The following AKNAD1 variants were observed in gnomAD, a reference collection of about 807,000 sequenced individuals.
AKNAD1 encodes the protein AKNA domain containing 1.
In AKNAD1, 67 loss-of-function variants were observed where a neutral mutation model predicts 90.8. That is an observed-to-expected ratio of 0.74 (90% CI 0.61 to 0.90). AKNAD1 has a LOEUF of 0.90. Ranked by LOEUF, AKNAD1 falls within the 40% of genes least tolerant of loss-of-function variation. The pLI is 0.00. For synonymous variants in AKNAD1, 327 were observed against 341.4 expected (o/e 0.96, Z 0.46); for missense variants, 957 against 975.4 (o/e 0.98, Z 0.25).
In AKNAD1 at chr1:108,837,710, A is replaced by G. The variant is rs1570813993; in HGVS notation, c.1380-4T>C. 6.2e-7 allele frequency: 1 copy of G among 1,614,112 alleles called. No homozygotes were observed. Among genetic ancestry groups the G allele is most frequent in the African/African-American group, 1.3e-5 (1 of 75,068 alleles). On this transcript the variant is annotated splice_polypyrimidine_tract_variant and splice_region_variant and intron_variant, in intron 6 of 15. Coordinates refer to ENST00000370001, the MANE Select transcript of AKNAD1 (RefSeq NM_152763.5). ...GAAGATTTCACCTTCCACTTTTCTA[A>G]GTAAACATAAACACACAGGCATCTT...
At chr1:108,836,423 C>A (rs1419511819) in intron 7 of AKNAD1, among the ~76,000 whole-genome samples, 1 of 152,016 alleles carries the variant, frequency 6.6e-6, no homozygotes, top group East Asian at 1.9e-4. Context: ...ACAAACGAGA[C>A]CCAGTGCTGC....
intron 9 of AKNAD1, among the ~76,000 whole-genome samples, chr1:108,832,502 G>A (rs767723395): frequency 4.0e-5 from 6 of 151,572 alleles, no homozygotes; most frequent in Non-Finnish European, 7.4e-5. Context: ...TGGGATTACA[G>A]GCGCGAGCCA....
chr1:108,854,607 C>A (rs12405585), intron 1 of AKNAD1, among the ~76,000 whole-genome samples: 19,835 of 152,118 alleles, frequency 0.13, 1,366 homozygotes, highest in Middle Eastern at 0.15. Context: ...TTAGAGAACC[C>A]AAATTAAACA....
intron 10 of AKNAD1, among the ~76,000 whole-genome samples, chr1:108,828,976 C>T (rs1379597844): frequency 6.6e-6 from 1 of 151,754 alleles, no homozygotes; most frequent in Non-Finnish European, 1.5e-5. Flanking sequence ...AAGGGATAAG[C>T]ATATTTTACA....
In AKNAD1 at chr1:108,817,359, G is replaced by A. The variant is rs1227028077; in HGVS notation, c.2250-182C>T. 10 of 618,418 alleles carry A rather than the reference G, an allele frequency of 1.6e-5. 1 individual carries two copies. The highest frequency in any genetic ancestry group is 2.1e-5 in the Non-Finnish European group (8 of 385,362). 38.3% of individuals were successfully genotyped at this position (618,418 alleles called of 1,614,324 possible). Reference sequence around the variant, plus strand: ...TGACCGCAGCTGGGCTTCAGAAAATGGTTGTTGCCATGACCATGCGGGTGT... The same window carrying A: ...TGACCGCAGCTGGGCTTCAGAAAATAGTTGTTGCCATGACCATGCGGGTGT... On this transcript the variant is annotated intron_variant, in intron 14 of 15. Transcript: ENST00000370001.
At chr1:108,841,889 T>G (rs773372747) in intron 6 of AKNAD1, among the ~76,000 whole-genome samples, 1 of 152,160 alleles carries the variant, frequency 6.6e-6, no homozygotes, top group African/African-American at 2.4e-5. Flanking sequence ...GGAATGTAAT[T>G]GCAGTTGAAG....
intron 10 of AKNAD1, among the ~76,000 whole-genome samples, chr1:108,830,074 C>T (rs1664137642): frequency 6.6e-6 from 1 of 152,050 alleles, no homozygotes; most frequent in African/African-American, 2.4e-5. Context: ...CTGGGGGGCT[C>T]AGGTGAAACC....
intron 1 of AKNAD1, among the ~76,000 whole-genome samples, chr1:108,855,529 G>A (rs1665006805): frequency 6.6e-6 from 1 of 152,074 alleles, no homozygotes; most frequent in South Asian, 2.1e-4. Context: ...GCTCATGCCT[G>A]TAATCCCAGC....
chr1:108,822,761 C>G (rs1663858667), intron 13 of AKNAD1, among the ~76,000 whole-genome samples: 1 of 152,174 alleles, frequency 6.6e-6, no homozygotes, highest in Non-Finnish European at 1.5e-5. Context: ...CCTTCCTGTT[C>G]CCTTGGCACA....
chr1:108,852,529 G>T lies in AKNAD1; in HGVS notation c.136C>A (p.Gln46Lys). ...SKKDGLEVLN[Q>K]IIFIADDPQE... The stretch of plus-strand genomic sequence containing the variant: ...GGGTCATCTGCTATGAAAATAATTT[G>T]ATTTAAGACTTCAAGGCCATCCTTT... The change falls in exon 2 of 16, where the codon CAA (glutamine) becomes AAA (lysine). Residue 46 changes from glutamine to lysine, a missense_variant. Gln to Lys is a moderately conservative substitution (Grantham distance 53). Transcript: ENST00000370001. 1 of 1,614,102 alleles carries T rather than the reference G, an allele frequency of 6.2e-7. No homozygotes were observed. The highest frequency in any genetic ancestry group is 1.1e-5 in the South Asian group (1 of 91,060).
chr1:108,818,860 G>A (rs1380102216), intron 14 of AKNAD1, among the ~76,000 whole-genome samples: 1 of 151,828 alleles, frequency 6.6e-6, no homozygotes, highest in Non-Finnish European at 1.5e-5. Context: ...CTACACGGGA[G>A]GCTGAGGCAG....
rs1166780431 is a variant in AKNAD1 at position 108,843,080 on chromosome 1, C to T, written c.1379+54G>A. ...GCCAGCAGCCACATCAGAATCCCAC[C>T]TGAAGGAGATCACCTTTGACCCTTC... On this transcript the variant is annotated intron_variant, in intron 6 of 15. Coordinates refer to ENST00000370001, the MANE Select transcript of AKNAD1 (RefSeq NM_152763.5). 17 of 1,592,306 alleles carry T rather than the reference C, an allele frequency of 1.1e-5. No homozygotes were observed. The Admixed American group carries it at 2.7e-4, about 25-fold the overall frequency.
intron 5 of AKNAD1, among the ~76,000 whole-genome samples, chr1:108,843,770 T>C (rs950475378): frequency 1.3e-5 from 2 of 152,124 alleles, no homozygotes; most frequent in African/African-American, 4.8e-5. Context: ...TTTCAGTCTG[T>C]GGGGAGTTGG....
intron 14 of AKNAD1, among the ~76,000 whole-genome samples, chr1:108,820,288 C>T (rs114307962): frequency 2.8e-3 from 423 of 152,304 alleles, no homozygotes; most frequent in African/African-American, 9.7e-3. Flanking sequence ...TGCGGCTTCT[C>T]TGCCAAAAAA....
chr1:108,817,240 C>G (rs1012190413), intron 14 of AKNAD1, 63 bp from the exon 15 acceptor site: 3 of 1,596,478 alleles, frequency 1.9e-6, no homozygotes, highest in Non-Finnish European at 2.6e-6. Flanking sequence ...CTCCTGTTCA[C>G]GTCAGCTCTG....
chr1:108,821,950 G>A (rs971506868), intron 13 of AKNAD1, among the ~76,000 whole-genome samples: 2 of 152,012 alleles, frequency 1.3e-5, no homozygotes, highest in East Asian at 1.9e-4. Flanking sequence ...GGAGGCTCCC[G>A]TTGGACAAAG....
At chr1:108,825,072 C>T (rs1663950628) in intron 11 of AKNAD1, among the ~76,000 whole-genome samples, 1 of 151,564 alleles carries the variant, frequency 6.6e-6, no homozygotes, top group African/African-American at 2.4e-5. Context: ...ATTGGAGAGG[C>T]CCACATGTCA....
chr1:108,824,233 T>C (rs775264434), intron 11 of AKNAD1, among the ~76,000 whole-genome samples: 8 of 152,196 alleles, frequency 5.3e-5, no homozygotes, highest in Non-Finnish European at 1.2e-4. Context: ...GTCTAGAACC[T>C]GTCTGGCAGG....
At chr1:108,851,614 C>T in intron 2 of AKNAD1, 58 bp downstream of exon 2, 1 of 1,475,242 alleles carries the variant, frequency 6.8e-7, no homozygotes, top group Non-Finnish European at 9.0e-7. Context: ...AAAACCCACA[C>T]TGAAAGAGAT....
Sources: gnomAD v4.1 joint callset for allele counts (sites outside exome capture counted in the v4.1 genomes callset) on GRCh38, gnomAD v4.1.1 for gene constraint, MANE v1.5 for transcripts, NCBI Gene and HGNC (gene_info 2026-07-23, HGNC 2026-07-21) for gene names.